ZMYM1: variants seen among roughly 807,000 people sequenced by gnomAD.
The protein encoded by ZMYM1 is zinc finger MYM-type containing 1.
ZMYM1 carries 39 observed loss-of-function variants against 60.0 expected under a neutral mutation model. The ratio of observed to expected loss-of-function variants is 0.65; its 90% CI spans 0.50 to 0.85. The LOEUF is 0.85. Ranked by LOEUF, ZMYM1 falls within the 40% of genes least tolerant of loss-of-function variation. ZMYM1 has a pLI of 0.00. For synonymous variants in ZMYM1, 413 were observed against 454.0 expected (o/e 0.91, Z 1.15); for missense variants, 1,171 against 1,309.5 (o/e 0.89, Z 1.63).
rs531126230 is a variant in ZMYM1 at position 35,089,855 on chromosome 1, C to G, written c.-74-4059C>G. ...CTGCCTCCCAGGTTCACGCCATTCT[C>G]CTGCCTCAGCCTCCCGAGTAGCTGG... On this transcript the variant is annotated intron_variant, in intron 1 of 9. Transcript: ENST00000359858. Among the ~76,000 whole-genome samples the G allele has an allele frequency of 3.6e-5, 5 of 139,896 alleles. No individual in the cohort carries two copies. In the East Asian group the frequency reaches 1.1e-3, roughly 30 times the overall value. 91.8% of individuals were successfully genotyped at this position (139,896 alleles called of 152,430 possible). A position where few individuals can be genotyped will look rare whatever the true frequency, so the allele number is the denominator to read the frequency against.
At chr1:35,074,609 A>G (rs1642133116), upstream of ZMYM1, among the ~76,000 whole-genome samples, 1 of 151,832 alleles carries the variant, frequency 6.6e-6, no homozygotes, top group African/African-American at 2.4e-5. Context: ...GGGTTTCACC[A>G]TATTGGCCAG....
rs559250859 is a variant in ZMYM1, at chr1:35,085,247, C to T, written c.-75+5805C>T. On this transcript the variant is annotated intron_variant, in intron 1 of 9. Transcript: ENST00000359858. Reference sequence around the variant, plus strand: ...TATTTTTAGTAGAGACAGGGTTTCACCGTGTTAGCCAGGATGATCTCGATC... The same window carrying T: ...TATTTTTAGTAGAGACAGGGTTTCATCGTGTTAGCCAGGATGATCTCGATC... Among the ~76,000 whole-genome samples, 652 of 152,174 alleles carry T rather than the reference C, an allele frequency of 4.3e-3. 3 individuals are homozygous for T. The highest frequency in any genetic ancestry group is 6.6e-3 in the Non-Finnish European group (449 of 68,022).
At chr1:35,080,612 CG>C (rs1380520714) in intron 1 of ZMYM1, among the ~76,000 whole-genome samples, 1 of 152,018 alleles carries the variant, frequency 6.6e-6, no homozygotes, top group Non-Finnish European at 1.5e-5. Context: ...CCACTGTGCC[CG>C]GCTATTTGTG....
intron 1 of ZMYM1, among the ~76,000 whole-genome samples, chr1:35,089,870 C>T (rs896067792): frequency 1.4e-5 from 2 of 147,136 alleles, no homozygotes; most frequent in African/African-American, 2.5e-5. Flanking sequence ...CTCAGCCTCC[C>T]GAGTAGCTGG....
chr1:35,061,148 T>C (rs142122901), intron 1 of ZMYM1, among the ~76,000 whole-genome samples: 1 of 152,298 alleles, frequency 6.6e-6, no homozygotes, highest in African/African-American at 2.4e-5. Flanking sequence ...CTAACACTAG[T>C]CATGGATTCT....
Position 35,084,176 on chromosome 1 carries a change from T to G in ZMYM1, c.-75+4734T>G, listed in dbSNP as rs575128342. ...TGTTTTCCAATTCTAGATTTTCCAT[T>G]TAACTTTTTTTTTTTTTTTTGATGG... On this transcript the variant is annotated intron_variant, in intron 1 of 9. Coordinates refer to ENST00000359858, the MANE Select transcript of ZMYM1 (RefSeq NM_024772.5). Among the ~76,000 whole-genome samples, 8 of 151,626 alleles carry G rather than the reference T, an allele frequency of 5.3e-5. 1 individual carries two copies. Among genetic ancestry groups the G allele is most frequent in the Non-Finnish European group, 1.2e-4 (8 of 67,994 alleles).
At chr1:35,111,673 A>G (rs1644090844) in intron 7 of ZMYM1, 99 bp from the exon 8 acceptor site, 2 of 1,175,668 alleles carry the variant, frequency 1.7e-6, no homozygotes, top group Admixed American at 3.2e-5. Context: ...TCCTTAAGCT[A>G]TTAGATGCTT....
chr1:35,088,454 A>ATATATATATATATGTG (rs1464546786), intron 1 of ZMYM1, among the ~76,000 whole-genome samples: 3 of 107,284 alleles, frequency 2.8e-5, no homozygotes, highest in South Asian at 3.1e-4. Flanking sequence ...ATATATATAT[A>ATATATATATATATGTG]TGTGTGTGTG....
At chr1:35,067,520 G>C (rs974154735) in intron 1 of ZMYM1, among the ~76,000 whole-genome samples, 1 of 151,956 alleles carries the variant, frequency 6.6e-6, no homozygotes, top group African/African-American at 2.4e-5. Context: ...ACTACAAATA[G>C]GGTTGCAGTG....
chr1:35,091,241 G>A (rs1642980106), intron 1 of ZMYM1, among the ~76,000 whole-genome samples: 1 of 149,274 alleles, frequency 6.7e-6, no homozygotes, highest in Non-Finnish European at 1.5e-5. Flanking sequence ...TATTTATTTT[G>A]AGACGGAGTC....
intron 6 of ZMYM1, 150 bp from the exon 7 acceptor site, chr1:35,110,144 C>T (rs916904215): frequency 4.1e-6 from 2 of 483,198 alleles, no homozygotes; most frequent in African/African-American, 2.0e-5. Flanking sequence ...TTAGTTATTG[C>T]AATCTGTAGT....
chr1:35,109,378 A>G (rs994763622), intron 6 of ZMYM1, among the ~76,000 whole-genome samples: 2 of 152,198 alleles, frequency 1.3e-5, no homozygotes, highest in African/African-American at 4.8e-5. Context: ...TTGACTAGAA[A>G]GAATAGGTGG....
intron 3 of ZMYM1, 142 bp from the exon 4 acceptor site, chr1:35,097,175 G>A (rs956536772): frequency 1.6e-5 from 15 of 911,394 alleles, no homozygotes; most frequent in Non-Finnish European, 2.5e-5. Flanking sequence ...AGCCATGATC[G>A]TATCACTACA....
At chr1:35,064,113 C>CA (rs2148474741) in intron 1 of ZMYM1, among the ~76,000 whole-genome samples, 1 of 152,094 alleles carries the variant, frequency 6.6e-6, no homozygotes, top group East Asian at 1.9e-4. Flanking sequence ...ATCACGAGGT[C>CA]AGGAGTTCAA....
At position 35,088,805 on chromosome 1, in the gene ZMYM1, CTTTT is replaced by C. The variant is rs375136566; in HGVS notation, c.-74-5094_-74-5091del. 8.4e-5 allele frequency among the ~76,000 whole-genome samples: 10 copies of C among 119,598 alleles called. No individual in the cohort carries two copies. In the East Asian group the frequency reaches 9.8e-4, roughly 12 times the overall value. 78.5% of individuals were successfully genotyped at this position (119,598 alleles called of 152,430 possible). A position where few individuals can be genotyped will look rare whatever the true frequency, so the allele number is the denominator to read the frequency against. On this transcript the variant is annotated intron_variant, in intron 1 of 9. Transcript: ENST00000359858. Reference sequence around the variant, plus strand: ...CCTCAGAAATTTTCAGGATGCTTTCCTTTTTTTTTTTTTTTTTTGTTTTTGAGAC... The same window carrying C: ...CCTCAGAAATTTTCAGGATGCTTTCCTTTTTTTTTTTTTTGTTTTTGAGAC...
intron 1 of ZMYM1, among the ~76,000 whole-genome samples, chr1:35,064,375 C>A (rs1350211058): frequency 6.7e-6 from 1 of 149,946 alleles, no homozygotes; most frequent in African/African-American, 2.4e-5. Context: ...TTCAACACTC[C>A]TCTCAAAGTA....
At chr1:35,079,260 C>T (rs538117653), upstream of ZMYM1, 4 of 152,330 alleles carry the variant, frequency 2.6e-5, no homozygotes, top group Non-Finnish European at 4.4e-5. Flanking sequence ...TCCCCTCCCC[C>T]TCTCCCACTT....
chr1:35,067,853 C>A (rs913788846), intron 1 of ZMYM1, among the ~76,000 whole-genome samples: 4 of 151,314 alleles, frequency 2.6e-5, no homozygotes, highest in Non-Finnish European at 5.9e-5. Context: ...CCAGTCTAGG[C>A]GACAAGAGCA....
intron 4 of ZMYM1, among the ~76,000 whole-genome samples, chr1:35,100,985 T>G (rs1182735112): frequency 6.6e-6 from 1 of 152,020 alleles, no homozygotes; most frequent in Non-Finnish European, 1.5e-5. Context: ...TGTATTTTTT[T>G]GTAGAGATGA....
Sources: gnomAD v4.1 joint callset for allele counts (sites outside exome capture counted in the v4.1 genomes callset) on GRCh38, gnomAD v4.1.1 for gene constraint, MANE v1.5 for transcripts, NCBI Gene and HGNC (gene_info 2026-07-23, HGNC 2026-07-21) for gene names.